Variants in C11orf54 observed in about 807,000 individuals in gnomAD.
C11orf54 encodes the protein beta-keto-L-gulonate decarboxylase.
In C11orf54, 29 loss-of-function variants were observed where a neutral mutation model predicts 35.5. That is an observed-to-expected ratio of 0.82 (90% CI 0.61 to 1.11). C11orf54 has a LOEUF of 1.11. C11orf54 is among the 50% of genes most tolerant of loss of function. C11orf54 has a pLI of 0.00. For missense variants in C11orf54, 373 were observed against 369.2 expected (o/e 1.01, Z -0.08); for synonymous variants, 108 against 121.1 (o/e 0.89, Z 0.71).
At chr11:93,748,088 G>A (rs893783983) in intron 2 of C11orf54, among the ~76,000 whole-genome samples, 2 of 152,076 alleles carry the variant, frequency 1.3e-5, no homozygotes, top group Admixed American at 6.5e-5. Flanking sequence ...TAGAACCTTC[G>A]CTTGTTTCTC....
At chr11:93,759,647 AAAC>A (rs1943351962) in intron 7 of C11orf54, 92 bp from the exon 8 acceptor site, 1 of 535,998 alleles carries the variant, frequency 1.9e-6, no homozygotes, top group Admixed American at 4.0e-5. Flanking sequence ...AAGTATAATT[AAAC>A]AATAATAATA....
intron 2 of C11orf54, among the ~76,000 whole-genome samples, chr11:93,749,734 C>G (rs1034777368): frequency 1.3e-5 from 2 of 152,136 alleles, no homozygotes; most frequent in African/African-American, 4.8e-5. Context: ...TACATTGTTA[C>G]TGAGGTATAA....
At position 93,758,727 on chromosome 11, in the gene C11orf54, T is replaced by G. The variant is rs558208527; in HGVS notation, c.658-1015T>G. On this transcript the variant is annotated intron_variant, in intron 7 of 8. Transcript: ENST00000354421. ...GCTGACACGAGCGTAGAAGGGAAGC[T>G]GAGCGGCGGCTGAGAGCAGCTCCCC... Among the ~76,000 whole-genome samples, 11 of 152,368 alleles carry G rather than the reference T, an allele frequency of 7.2e-5. No individual in the cohort carries two copies. The East Asian group carries it at 2.1e-3, about 29-fold the overall frequency.
intron 5 of C11orf54, among the ~76,000 whole-genome samples, chr11:93,754,578 C>T (rs759668588): frequency 1.3e-5 from 2 of 152,058 alleles, no homozygotes; most frequent in Admixed American, 6.6e-5. Flanking sequence ...TCTCTCATAA[C>T]CTCTTCAGAT....
intron 2 of C11orf54, among the ~76,000 whole-genome samples, chr11:93,747,874 C>T (rs1942570268): frequency 6.6e-6 from 1 of 152,156 alleles, no homozygotes; most frequent in Non-Finnish European, 1.5e-5. Context: ...TCCCCCCCAC[C>T]ACTGATAATG....
chr11:93,751,912 T>A (rs1219477266), intron 3 of C11orf54, among the ~76,000 whole-genome samples: 2 of 140,828 alleles, frequency 1.4e-5, no homozygotes, highest in Non-Finnish European at 3.0e-5. Context: ...AGTGGCACAA[T>A]CTTGGCTCAC....
chr11:93,744,470 T>C (rs1219998328), intron 1 of C11orf54, among the ~76,000 whole-genome samples: 1 of 152,248 alleles, frequency 6.6e-6, no homozygotes, highest in Non-Finnish European at 1.5e-5. Flanking sequence ...GTTTTTATCA[T>C]TATAAATGAA....
At chr11:93,744,128 A>AT (rs1394563993) in intron 1 of C11orf54, among the ~76,000 whole-genome samples, 1 of 152,140 alleles carries the variant, frequency 6.6e-6, no homozygotes, top group African/African-American at 2.4e-5. Flanking sequence ...AACTCATTTG[A>AT]TTTTTTTGTC....
At chr11:93,743,477 G>A (rs1306973864) in intron 1 of C11orf54, among the ~76,000 whole-genome samples, 1 of 152,196 alleles carries the variant, frequency 6.6e-6, no homozygotes, top group Non-Finnish European at 1.5e-5. Context: ...GCGAGTGAAT[G>A]AGGCGGGAAC....
intron 8 of C11orf54, among the ~76,000 whole-genome samples, chr11:93,760,690 G>A (rs1047129782): frequency 2.0e-5 from 3 of 151,844 alleles, no homozygotes; most frequent in Non-Finnish European, 4.4e-5. Context: ...ACAGAGTCTC[G>A]CTCTGTTGCC....
In C11orf54 at chr11:93,759,813, G is replaced by T; in HGVS notation, c.729G>T (p.Met243Ile). 1 of 1,610,816 alleles carries T rather than the reference G, an allele frequency of 6.2e-7. No homozygotes were observed. Among genetic ancestry groups the T allele is most frequent in the Non-Finnish European group, 8.5e-7 (1 of 1,177,824 alleles). ...EVNKWLHFYE[M>I]KAPLVCLPVF... is the part of the protein sequence containing the mutation. ...ATAAATGGTTGCATTTTTATGAAAT[G>T]AAAGCTCCTTTGGTTTGTCTACCAG... The change falls in exon 8 of 9, where the codon ATG (methionine) becomes ATT (isoleucine). Residue 243 changes from methionine (M) to isoleucine (I), a missense_variant. Met to Ile is a conservative substitution (Grantham distance 10, BLOSUM62 1). Transcript: ENST00000354421.
At chr11:93,754,102 TAGTGCC>T in intron 5 of C11orf54, 65 bp downstream of exon 5, 2 of 1,384,808 alleles carry the variant, frequency 1.4e-6, no homozygotes, top group Non-Finnish European at 2.0e-6. Flanking sequence ...TTTTTGCTTT[TAGTGCC>T]AAAAATCCTA....
intron 2 of C11orf54, among the ~76,000 whole-genome samples, chr11:93,749,171 G>A (rs991213876): frequency 2.7e-5 from 4 of 148,266 alleles, no homozygotes; most frequent in Admixed American, 6.7e-5. Context: ...AAGACATTTT[G>A]TAAGAACTTT....
chr11:93,758,382 G>A (rs541223354), intron 7 of C11orf54, among the ~76,000 whole-genome samples: 6 of 152,198 alleles, frequency 3.9e-5, no homozygotes, highest in Admixed American at 6.5e-5. Flanking sequence ...TCAAACCCGC[G>A]GCTGCAGACC....
intron 7 of C11orf54, among the ~76,000 whole-genome samples, chr11:93,758,358 G>A (rs954743412): frequency 6.6e-6 from 1 of 152,226 alleles, no homozygotes; most frequent in Non-Finnish European, 1.5e-5. Context: ...CTGCCCAGGC[G>A]CAGCTGCAGC....
intron 8 of C11orf54, among the ~76,000 whole-genome samples, chr11:93,760,950 C>T (rs1184155734): frequency 2.6e-5 from 4 of 152,254 alleles, no homozygotes; most frequent in South Asian, 2.1e-4. Flanking sequence ...TGAGCTACTC[C>T]GCCTACCCTG....
intron 5 of C11orf54, among the ~76,000 whole-genome samples, chr11:93,754,404 G>GT (rs1469399114): frequency 6.6e-6 from 1 of 152,164 alleles, no homozygotes; most frequent in Non-Finnish European, 1.5e-5. Context: ...TGGAATATTA[G>GT]TGATCTAGTC....
intron 8 of C11orf54, among the ~76,000 whole-genome samples, chr11:93,760,428 A>G (rs1287627573): frequency 6.6e-6 from 1 of 152,160 alleles, no homozygotes; most frequent in Non-Finnish European, 1.5e-5. Flanking sequence ...GCATGGTCAC[A>G]TGCCCCAGTA....
In C11orf54 at chr11:93,759,823, T is replaced by G. The variant is rs1415034002; in HGVS notation, c.739T>G (p.Leu247Val). 1 of 1,610,072 alleles carries G rather than the reference T, an allele frequency of 6.2e-7. No individual in the cohort carries two copies. The highest frequency in any genetic ancestry group is 1.3e-5 in the African/African-American group (1 of 74,894). ...WLHFYEMKAP[L>V]VCLPVFVSRD... Reference sequence around the variant, plus strand: ...GCATTTTTATGAAATGAAAGCTCCTTTGGTTTGTCTACCAGTTTTTGTCTC... The same window carrying G: ...GCATTTTTATGAAATGAAAGCTCCTGTGGTTTGTCTACCAGTTTTTGTCTC... The change falls in exon 8 of 9, where the codon TTG (leucine) becomes GTG (valine). Residue 247 changes from leucine to valine, a missense_variant. Transcript: ENST00000354421.
Sources: allele counts gnomAD v4.1 joint callset (sites outside exome capture counted in the v4.1 genomes callset), GRCh38; gene constraint gnomAD v4.1.1; transcripts MANE v1.5; gene names NCBI Gene and HGNC (gene_info 2026-07-23, HGNC 2026-07-21).